The following PLK5 variants were observed in gnomAD, a reference collection of about 807,000 sequenced individuals.
PLK5 encodes inactive serine/threonine-protein kinase PLK5.
In PLK5, 28 loss-of-function variants were observed where a neutral mutation model predicts 33.7. The ratio of observed to expected loss-of-function variants is 0.83; its 90% CI spans 0.62 to 1.14. PLK5 has a LOEUF of 1.14. Ranked by LOEUF, PLK5 falls within the 50% of genes most tolerant of loss-of-function variation. The pLI is 0.00. For synonymous variants in PLK5, 225 were observed against 202.2 expected (o/e 1.11, Z -0.96); for missense variants, 492 against 461.5 (o/e 1.07, Z -0.61).
At chr19:1,528,795 C>T (rs1165408033) in intron 8 of PLK5, 103 bp from the exon 9 acceptor site, 22 of 983,424 alleles carry the variant, frequency 2.2e-5, no homozygotes, top group Middle Eastern at 3.2e-4. Flanking sequence ...CCACCTGCTC[C>T]GCTCTGTCTC....
At chr19:1,533,685 T>C in intron 12 of PLK5, 2 of 581,968 alleles carry the variant, frequency 3.4e-6, no homozygotes, top group Non-Finnish European at 3.1e-6. Context: ...TGGCCTGGGC[T>C]GTCCAGGACA....
rs553027134 is a variant in PLK5 at position 1,532,839 on chromosome 19, T to C, written c.714+956T>C. 2.0e-5 allele frequency among the ~76,000 whole-genome samples: 3 copies of C among 151,962 alleles called. No individual in the cohort carries two copies. In the East Asian group the frequency reaches 5.8e-4, roughly 30 times the overall value. Reference sequence around the variant, plus strand: ...GCTCAGCCACTCCTGGCTAATTTTTTGTATTTTTAGTAGAGACGGGGTTTC... The same window carrying C: ...GCTCAGCCACTCCTGGCTAATTTTTCGTATTTTTAGTAGAGACGGGGTTTC... On this transcript the variant is annotated intron_variant, in intron 12 of 13. Coordinates refer to ENST00000454744, the MANE Select transcript of PLK5 (RefSeq NM_001243079.2).
At chr19:1,529,587 C>T (rs1030528872) in intron 10 of PLK5, 97 bp downstream of exon 10, 25 of 1,432,854 alleles carry the variant, frequency 1.7e-5, no homozygotes, top group Middle Eastern at 1.8e-4. Flanking sequence ...GGGTCACAGC[C>T]GCCGTCCCGG....
In PLK5 at chr19:1,531,722, C is replaced by T; in HGVS notation, c.569-16C>T. On this transcript the variant is annotated splice_polypyrimidine_tract_variant and intron_variant, in intron 11 of 13. Transcript: ENST00000454744. ...ACCCCTGACCCCTGGCTCAGCATAC[C>T]TTTGTTTGTGCCCAGCCACACAGGA... 1 of 1,536,716 alleles carries T rather than the reference C, an allele frequency of 6.5e-7. No homozygotes were observed. Among genetic ancestry groups the T allele is most frequent in the Non-Finnish European group, 8.7e-7 (1 of 1,147,234 alleles).
In PLK5 at chr19:1,526,769, G is replaced by A; in HGVS notation, c.-117G>A. On this transcript the variant is annotated 5_prime_UTR_variant, in exon 5 of 14. Transcript: ENST00000454744. ...AGACCTGGGACTGGCGGCCAAGGTGGGGCCAGGGGGCCGCTGCCACAGGTG... is the reference window on the plus strand; with the variant it reads ...AGACCTGGGACTGGCGGCCAAGGTGAGGCCAGGGGGCCGCTGCCACAGGTG... 1 of 581,744 alleles carries A rather than the reference G, an allele frequency of 1.7e-6. No homozygotes were observed. Among genetic ancestry groups the A allele is most frequent in the Non-Finnish European group, 3.0e-6 (1 of 327,906 alleles). The allele number at this position is 581,744 out of a possible 1,614,324, so 36.0% of individuals were successfully genotyped here. A position where few individuals can be genotyped will look rare whatever the true frequency, so the allele number is the denominator to read the frequency against.
chr19:1,535,254 C>A lies in PLK5; in HGVS notation c.*4C>A, dbSNP rs1230339878. ...CCGCATGCTGCAGAGTATCTAGTGC[C>A]CCTGAGGGTCAGAGTGGACCCCTGC... On this transcript the variant is annotated 3_prime_UTR_variant, in exon 14 of 14. Coordinates refer to ENST00000454744, the MANE Select transcript of PLK5 (RefSeq NM_001243079.2). 6.5e-7 allele frequency: 1 copy of A among 1,534,442 alleles called. No individual in the cohort carries two copies. The highest frequency in any genetic ancestry group is 8.7e-7 in the Non-Finnish European group (1 of 1,146,060).
At chr19:1,527,910 AG>A in intron 6 of PLK5, 25 bp from the exon 7 acceptor site, 5 of 1,526,458 alleles carry the variant, frequency 3.3e-6, no homozygotes, top group Non-Finnish European at 3.5e-6. Flanking sequence ...CTGGACACCC[AG>A]GTTCTTGCCC....
At chr19:1,527,034 C>CA in intron 6 of PLK5, 36 bp downstream of exon 6, 1 of 989,698 alleles carries the variant, frequency 1.0e-6, no homozygotes, top group Non-Finnish European at 1.3e-6. Context: ...GCAGGGCCTC[C>CA]GGGGGGGGCA....
rs1913842493 is a variant in PLK5 at position 1,528,960 on chromosome 19, G to A, written c.391G>A (p.Glu131Lys). Residue 131 changes from glutamate (E) to lysine (K), a missense_variant, in exon 9 of 14, where the codon GAG (glutamate) becomes AAG (lysine). By Grantham distance (56) the Glu-to-Lys change is moderately conservative. Transcript: ENST00000454744. Reference sequence around the variant, plus strand: ...AGGTGGGCCAGACCCTGACTCCATGGAGTGGGACGGCGAGGTGAGACATCG... The same window carrying A: ...AGGTGGGCCAGACCCTGACTCCATGAAGTGGGACGGCGAGGTGAGACATCG... ...GEGGPDPDSM[E>K]WDGESSLSAK... 6.6e-7 allele frequency: 1 copy of A among 1,516,836 alleles called. No individual in the cohort carries two copies. Among genetic ancestry groups the A allele is most frequent in the Non-Finnish European group, 8.8e-7 (1 of 1,137,810 alleles). 94.0% of individuals were successfully genotyped at this position (1,516,836 alleles called of 1,614,324 possible). A position where few individuals can be genotyped will look rare whatever the true frequency, so the allele number is the denominator to read the frequency against.
chr19:1,535,382 CTTGT>C lies in PLK5; in HGVS notation c.*133_*136del. 9.9e-7 allele frequency: 1 copy of C among 1,005,772 alleles called. No homozygotes were observed. Among genetic ancestry groups the C allele is most frequent in the Non-Finnish European group, 1.4e-6 (1 of 715,296 alleles). The allele number at this position is 1,005,772 out of a possible 1,614,324, so 62.3% of individuals were successfully genotyped here. On this transcript the variant is annotated 3_prime_UTR_variant, in exon 14 of 14. Transcript: ENST00000454744. ...GGGCACACGGGAGGTGGGTTCTTGC[CTTGT>C]GGCATGACTGTTCAACCCAGACTTT...
rs1315512170 is a variant in PLK5, at chr19:1,526,794, G to C, written c.-95+3G>C. The C allele has an allele frequency of 3.1e-6, 2 of 641,020 alleles. No individual in the cohort carries two copies. Among genetic ancestry groups the C allele is most frequent in the Non-Finnish European group, 2.7e-6 (1 of 368,746 alleles). 39.7% of individuals were successfully genotyped at this position (641,020 alleles called of 1,614,324 possible). On this transcript the variant is annotated splice_donor_region_variant and intron_variant, in intron 5 of 13. Transcript: ENST00000454744. ...GGGCCAGGGGGCCGCTGCCACAGGT[G>C]AGAGCCGGGGGGAGGGCTCTGAGCA... is the stretch of plus-strand genomic sequence containing the variant.
chr19:1,532,720 C>T (rs1330948786), intron 12 of PLK5, among the ~76,000 whole-genome samples: 2 of 151,996 alleles, frequency 1.3e-5, no homozygotes, highest in Non-Finnish European at 2.9e-5. Flanking sequence ...CGGGGTTTCT[C>T]CATGTTGGCC....
rs947154676 is a variant in PLK5 at position 1,529,446 on chromosome 19, C to T, written c.446C>T (p.Pro149Leu). 3.3e-6 allele frequency: 5 copies of T among 1,536,046 alleles called. No individual in the cohort carries two copies. Among genetic ancestry groups the T allele is most frequent in the Non-Finnish European group, 3.5e-6 (4 of 1,146,868 alleles). The change falls in exon 10 of 14, where the codon CCC (proline) becomes CTC (leucine). Residue 149 changes from proline to leucine, a missense_variant. Pro to Leu is a moderately conservative substitution (Grantham distance 98). Coordinates refer to ENST00000454744, the MANE Select transcript of PLK5 (RefSeq NM_001243079.2). ...AAAGAGGTTCCCTGCCTGGAAGGCC[C>T]CATCCACCTGGTCGCACAAGGGACC... ...SAKEVPCLEGPIHLVAQGTLQ... is the reference protein window; with the variant it reads ...SAKEVPCLEGLIHLVAQGTLQ...
chr19:1,533,186 C>T (rs139896485), intron 12 of PLK5, among the ~76,000 whole-genome samples: 83 of 152,104 alleles, frequency 5.5e-4, no homozygotes, highest in East Asian at 2.7e-3. Flanking sequence ...AGTGCAATCT[C>T]GGCTCAGCGC....
intron 11 of PLK5, among the ~76,000 whole-genome samples, chr19:1,531,092 AAAGCC>A (rs982975652): frequency 3.3e-5 from 5 of 151,732 alleles, no homozygotes; most frequent in Non-Finnish European, 7.4e-5. Flanking sequence ...CCCTGTCTGA[AAAGCC>A]AACAGACAAA....
chr19:1,531,495 G>A (rs1393669156), intron 11 of PLK5, among the ~76,000 whole-genome samples: 1 of 152,182 alleles, frequency 6.6e-6, no homozygotes, highest in East Asian at 1.9e-4. Flanking sequence ...TTTGAGAATT[G>A]CTCATTCCCA....
rs762371006 is a variant in PLK5 at position 1,528,975 on chromosome 19, G to C, written c.405+1G>C. ...TGACTCCATGGAGTGGGACGGCGAG[G>C]TGAGACATCGGGGTGGGGGACACGG... On this transcript the variant is annotated splice_donor_variant, in intron 9 of 13. Coordinates refer to ENST00000454744, the MANE Select transcript of PLK5 (RefSeq NM_001243079.2). LOFTEE classifies it high-confidence loss of function. 25 of 1,507,636 alleles carry C rather than the reference G, an allele frequency of 1.7e-5. No homozygotes were observed. The highest frequency in any genetic ancestry group is 1.1e-4 in the South Asian group (9 of 80,774). 93.4% of individuals were successfully genotyped at this position (1,507,636 alleles called of 1,614,324 possible). A position where few individuals can be genotyped will look rare whatever the true frequency, so the allele number is the denominator to read the frequency against.
intron 13 of PLK5, among the ~76,000 whole-genome samples, chr19:1,534,324 C>T (rs1268287519): frequency 6.6e-6 from 1 of 151,498 alleles, no homozygotes; most frequent in East Asian, 1.9e-4. Flanking sequence ...CTGACCAACA[C>T]GGTGAAACCC....
rs148901005 is a variant in PLK5, at chr19:1,526,080, C to G, written c.-313+369C>G. ...CCTACCTGTGGTCACCTGCGCCCCTCCTGCACCCTGCTGTGCCCACCGTGG... is the reference window on the plus strand; with the variant it reads ...CCTACCTGTGGTCACCTGCGCCCCTGCTGCACCCTGCTGTGCCCACCGTGG... On this transcript the variant is annotated intron_variant, in intron 3 of 13. Coordinates refer to ENST00000454744, the MANE Select transcript of PLK5 (RefSeq NM_001243079.2). 1.4e-3 allele frequency among the ~76,000 whole-genome samples: 213 copies of G among 152,344 alleles called. 1 individual carries two copies. The highest frequency in any genetic ancestry group is 4.9e-3 in the African/African-American group (202 of 41,584).
Sources: allele counts gnomAD v4.1 joint callset (sites outside exome capture counted in the v4.1 genomes callset), GRCh38; gene constraint gnomAD v4.1.1; transcripts MANE v1.5; gene names NCBI Gene and HGNC (gene_info 2026-07-23, HGNC 2026-07-21).